Variants in STRN3 observed in about 807,000 individuals in gnomAD.
The protein encoded by STRN3 is striatin 3.
A neutral mutation model predicts 95.6 loss-of-function variants in STRN3; 29 were observed. The observed-to-expected ratio is 0.30, with a 90% CI of 0.23 to 0.41. The LOEUF is 0.41. Among genes scored for constraint, STRN3 ranks in the 10% least tolerant of loss-of-function variants. STRN3 has a pLI of 1.00. For missense variants in STRN3, 890 were observed against 972.1 expected, an observed-to-expected ratio of 0.92 and a Z score of 1.12; for synonymous variants, 331 against 357.6, an observed-to-expected ratio of 0.93 and a Z score of 0.84.
intron 1 of STRN3, among the ~76,000 whole-genome samples, chr14:30,971,572 A>G (rs1330972925): frequency 6.6e-6 from 1 of 152,238 alleles, no homozygotes; most frequent in Non-Finnish European, 1.5e-5. Flanking sequence ...TAGATGGCTT[A>G]GGAAAATAGG....
chr14:30,907,308 T>C (rs932228811), intron 13 of STRN3, among the ~76,000 whole-genome samples: 2 of 152,020 alleles, frequency 1.3e-5, no homozygotes, highest in African/African-American at 4.8e-5. Flanking sequence ...ACAGCTTTCT[T>C]GAGATACAGA....
At chr14:31,004,602 T>C (rs948205881) in intron 1 of STRN3, among the ~76,000 whole-genome samples, 18 of 151,524 alleles carry the variant, frequency 1.2e-4, no homozygotes. Flanking sequence ...GGTGAAATCC[T>C]GTCTCTACCA....
At chr14:30,912,717 A>T (rs1158469517) in intron 10 of STRN3, among the ~76,000 whole-genome samples, 1 of 152,056 alleles carries the variant, frequency 6.6e-6, no homozygotes, top group Non-Finnish European at 1.5e-5. Context: ...TTACCTTCAC[A>T]TTTCTCCATC....
intron 1 of STRN3, among the ~76,000 whole-genome samples, chr14:30,989,446 T>C (rs1462726693): frequency 6.6e-6 from 1 of 152,188 alleles, no homozygotes; most frequent in African/African-American, 2.4e-5. Context: ...AACAGTCATT[T>C]AAACACAGGA....
chr14:30,926,414 A>C (rs894930090), intron 8 of STRN3, among the ~76,000 whole-genome samples: 2 of 152,032 alleles, frequency 1.3e-5, no homozygotes, highest in African/African-American at 4.8e-5. Flanking sequence ...AAATATTAAA[A>C]AGGAGGTTTT....
intron 16 of STRN3, among the ~76,000 whole-genome samples, chr14:30,900,977 T>C (rs1896298834): frequency 1.3e-5 from 2 of 152,214 alleles, no homozygotes; most frequent in Admixed American, 1.3e-4. Flanking sequence ...GCTTTTAATA[T>C]AACTACTAAA....
chr14:30,980,696 C>T (rs1029512142), intron 1 of STRN3, among the ~76,000 whole-genome samples: 9 of 152,050 alleles, frequency 5.9e-5, no homozygotes, highest in Admixed American at 4.6e-4. Flanking sequence ...CCACCGCACC[C>T]GGCCCTATTT....
chr14:30,937,617 G>C (rs1026666635), intron 5 of STRN3, among the ~76,000 whole-genome samples: 3 of 152,162 alleles, frequency 2.0e-5, no homozygotes, highest in Non-Finnish European at 4.4e-5. Flanking sequence ...CAAAACAGTA[G>C]AAAATTCAGC....
At chr14:30,935,806 A>C (rs1878788216) in intron 6 of STRN3, among the ~76,000 whole-genome samples, 1 of 152,242 alleles carries the variant, frequency 6.6e-6, no homozygotes, top group Admixed American at 6.5e-5. Flanking sequence ...TACATATAGA[A>C]TGTGTCAAAA....
rs767428566 is a variant in STRN3 at position 30,911,152 on chromosome 14, G to C, written c.1609C>G (p.Leu537Val). ...CCATTAGAACTAATAGCTAATGACA[G>C]AACAGGGCCGCTATTGTAGGAAGAG... ...YTFRAHIGPVLSLAISSNGEQ... is the reference protein window; with the variant it reads ...YTFRAHIGPVVSLAISSNGEQ... Residue 537 changes from leucine (L) to valine (V), a missense_variant, in exon 13 of 18, where the codon CTG becomes GTG. Coordinates refer to ENST00000357479, the MANE Select transcript of STRN3 (RefSeq NM_001083893.2). 2 of 1,611,290 alleles carry C rather than the reference G, an allele frequency of 1.2e-6. No homozygotes were observed. Among genetic ancestry groups the C allele is most frequent in the Admixed American group, 1.7e-5 (1 of 59,234 alleles).
chr14:30,910,760 ATTACAT>A (rs1896586639), intron 13 of STRN3, among the ~76,000 whole-genome samples: 1 of 152,132 alleles, frequency 6.6e-6, no homozygotes, highest in Non-Finnish European at 1.5e-5. Context: ...TGTTACTTAG[ATTACAT>A]TTTGTTTCCT....
intron 1 of STRN3, among the ~76,000 whole-genome samples, chr14:31,014,188 A>G (rs1259502703): frequency 3.9e-5 from 6 of 151,948 alleles, no homozygotes; most frequent in Non-Finnish European, 7.4e-5. Flanking sequence ...TATAGGAAGG[A>G]GCCTGTAAGT....
intron 8 of STRN3, 55 bp downstream of exon 8, chr14:30,929,146 C>T (rs999672015): frequency 2.8e-6 from 4 of 1,434,514 alleles, no homozygotes; most frequent in Admixed American, 4.5e-5. Context: ...AATTGAAGAA[C>T]TTTTTTCTCA....
At chr14:30,933,435 A>G (rs1192497654) in intron 7 of STRN3, among the ~76,000 whole-genome samples, 3 of 151,818 alleles carry the variant, frequency 2.0e-5, no homozygotes, top group Admixed American at 6.6e-5. Flanking sequence ...ATGTATTTGT[A>G]GGTTCTAAGT....
At chr14:30,992,385 A>G (rs986417611) in intron 1 of STRN3, among the ~76,000 whole-genome samples, 7 of 151,398 alleles carry the variant, frequency 4.6e-5, no homozygotes, top group African/African-American at 1.7e-4. Context: ...CAGCCTGGAG[A>G]CAGAGCAAGA....
chr14:31,013,571 T>C (rs1358733846), intron 1 of STRN3, among the ~76,000 whole-genome samples: 1 of 152,064 alleles, frequency 6.6e-6, no homozygotes, highest in Non-Finnish European at 1.5e-5. Context: ...AGTATAAGAC[T>C]TAATTTTGAA....
At position 31,005,888 on chromosome 14, in the gene STRN3, C is replaced by T. The variant is rs148856030; in HGVS notation, c.282+20016G>A. 2.0e-5 allele frequency among the ~76,000 whole-genome samples: 3 copies of T among 152,152 alleles called. No individual in the cohort carries two copies. In the East Asian group the frequency reaches 5.8e-4, roughly 29 times the overall value. On this transcript the variant is annotated intron_variant, in intron 1 of 17. Transcript: ENST00000357479. The stretch of plus-strand genomic sequence containing the variant: ...ATCCCAGTACTTTGGGAGGCCAAAG[C>T]GGGTGGATCACTTGAGCTCAGGAGT...
chr14:30,912,815 G>A lies in STRN3; in HGVS notation c.1375-633C>T, dbSNP rs139172446. Among the ~76,000 whole-genome samples the A allele has an allele frequency of 2.6e-3, 388 of 152,000 alleles. 1 individual carries two copies. Among genetic ancestry groups the A allele is most frequent in the African/African-American group, 8.7e-3 (362 of 41,458 alleles). On this transcript the variant is annotated intron_variant, in intron 10 of 17. Coordinates refer to ENST00000357479, the MANE Select transcript of STRN3 (RefSeq NM_001083893.2). The stretch of plus-strand genomic sequence containing the variant: ...TATATACTTAAAAAAATATATTAAT[G>A]AGAATAATCCAGCCCACCAAAGGCT...
intron 1 of STRN3, among the ~76,000 whole-genome samples, chr14:30,979,778 TTAG>T (rs936280149): frequency 6.6e-6 from 1 of 151,894 alleles, no homozygotes; most frequent in African/African-American, 2.4e-5. Flanking sequence ...TTTTGTATTT[TTAG>T]TATAGATGGC....
Sources: allele counts gnomAD v4.1 joint callset (sites outside exome capture counted in the v4.1 genomes callset), GRCh38; gene constraint gnomAD v4.1.1; transcripts MANE v1.5; gene names NCBI Gene and HGNC (gene_info 2026-07-23, HGNC 2026-07-21).